The following CDC42BPA variants were observed in gnomAD, a reference collection of about 807,000 sequenced individuals.
CDC42BPA encodes the protein CDC42 binding protein kinase alpha.
In CDC42BPA, 80 loss-of-function variants were observed where a neutral mutation model predicts 223.5. The observed-to-expected ratio is 0.36, with a 90% confidence interval of 0.30 to 0.43. The LOEUF is 0.43. Ranked by LOEUF, CDC42BPA falls within the 20% of genes least tolerant of loss-of-function variation. CDC42BPA has a pLI of 1.00. For synonymous variants in CDC42BPA, 694 were observed against 718.6 expected (o/e 0.97, Z 0.55); for missense variants, 1,743 against 2,099.9 (o/e 0.83, Z 3.32).
intron 16 of CDC42BPA, 62 bp from the exon 17 acceptor site, chr1:227,081,079 G>A (rs1342874957): frequency 2.1e-5 from 33 of 1,555,430 alleles, no homozygotes; most frequent in Non-Finnish European, 2.8e-5. Context: ...TGTTCAGACA[G>A]GTATTGTCAA....
intron 2 of CDC42BPA, among the ~76,000 whole-genome samples, chr1:227,228,183 T>C (rs1271552777): frequency 1.3e-5 from 2 of 152,198 alleles, no homozygotes; most frequent in Non-Finnish European, 2.9e-5. Flanking sequence ...TGGAGCTTAA[T>C]CACCTAGGTG....
At chr1:227,304,968 AAAAT>A (rs1465936446) in intron 1 of CDC42BPA, among the ~76,000 whole-genome samples, 1 of 152,230 alleles carries the variant, frequency 6.6e-6, no homozygotes, top group Non-Finnish European at 1.5e-5. Flanking sequence ...ATGACAGTGG[AAAAT>A]AAATATAAAA....
chr1:227,095,609 G>C (rs1169352488), intron 15 of CDC42BPA, among the ~76,000 whole-genome samples: 2 of 71,674 alleles, frequency 2.8e-5, no homozygotes, highest in Non-Finnish European at 5.6e-5. Context: ...TTTTTTTTTT[G>C]AGACAAGAGT....
At chr1:227,074,541 G>A (rs1347709471) in intron 17 of CDC42BPA, among the ~76,000 whole-genome samples, 177 bp from the exon 18 acceptor site, 1 of 152,138 alleles carries the variant, frequency 6.6e-6, no homozygotes, top group Non-Finnish European at 1.5e-5. Context: ...AGAGGTTTAT[G>A]GAACTGTTCT....
intron 11 of CDC42BPA, among the ~76,000 whole-genome samples, chr1:227,126,002 CTT>C (rs1409103751): frequency 6.6e-6 from 1 of 152,032 alleles, no homozygotes; most frequent in East Asian, 1.9e-4. Flanking sequence ...TTTAGTCACT[CTT>C]GATGCAGTTT....
intron 1 of CDC42BPA, among the ~76,000 whole-genome samples, chr1:227,293,242 C>A (rs1690007423): frequency 6.6e-6 from 1 of 152,004 alleles, no homozygotes; most frequent in Non-Finnish European, 1.5e-5. Flanking sequence ...CAATAATAAT[C>A]AAATAATTGC....
intron 11 of CDC42BPA, among the ~76,000 whole-genome samples, chr1:227,124,276 C>A (rs1689153279): frequency 6.6e-6 from 1 of 151,968 alleles, no homozygotes; most frequent in Non-Finnish European, 1.5e-5. Context: ...TATTGGAGAA[C>A]ACTGCTGCTG....
chr1:227,159,463 G>A (rs1301724804), intron 6 of CDC42BPA, among the ~76,000 whole-genome samples: 3 of 151,976 alleles, frequency 2.0e-5, no homozygotes, highest in Admixed American at 2.0e-4. Flanking sequence ...TCCAGCCTAG[G>A]CAACAGAGAC....
At chr1:227,223,017 G>C (rs1676214724) in intron 2 of CDC42BPA, among the ~76,000 whole-genome samples, 1 of 152,128 alleles carries the variant, frequency 6.6e-6, no homozygotes, top group Non-Finnish European at 1.5e-5. Flanking sequence ...AGTACTACAG[G>C]GAAAGGAGAG....
At chr1:227,059,533 T>C (rs1319054968) in intron 21 of CDC42BPA, 6 of 866,818 alleles carry the variant, frequency 6.9e-6, no homozygotes, top group African/African-American at 3.4e-5. Context: ...CAGTTTTGGA[T>C]AGGTTGAATG....
chr1:227,240,258 T>C (rs1466537119), intron 2 of CDC42BPA, among the ~76,000 whole-genome samples: 4 of 152,006 alleles, frequency 2.6e-5, no homozygotes, highest in African/African-American at 4.8e-5. Context: ...TAAAACATCC[T>C]TGAGAAAATT....
chr1:227,055,738 T>C (rs559069028), intron 21 of CDC42BPA, among the ~76,000 whole-genome samples: 1 of 152,278 alleles, frequency 6.6e-6, no homozygotes, highest in African/African-American at 2.4e-5. Flanking sequence ...AGCAGAGATA[T>C]TATAAATTCA....
chr1:227,223,843 G>A (rs994720459), intron 2 of CDC42BPA, among the ~76,000 whole-genome samples: 1 of 152,178 alleles, frequency 6.6e-6, no homozygotes, highest in Non-Finnish European at 1.5e-5. Context: ...GTTGCAGCGA[G>A]CCACAGCTCT....
chr1:227,105,998 T>G (rs1436434931), intron 14 of CDC42BPA, among the ~76,000 whole-genome samples: 1 of 152,188 alleles, frequency 6.6e-6, no homozygotes, highest in African/African-American at 2.4e-5. Flanking sequence ...TCTGTTTGAC[T>G]TTTTGAGGAA....
chr1:227,279,280 A>T (rs187523270), intron 1 of CDC42BPA, among the ~76,000 whole-genome samples: 1 of 152,264 alleles, frequency 6.6e-6, no homozygotes, highest in African/African-American at 2.4e-5. Flanking sequence ...TCAAACTACT[A>T]TCTTTAAATA....
chr1:227,235,438 G>A (rs570904919), intron 2 of CDC42BPA: 3 of 152,276 alleles, frequency 2.0e-5, no homozygotes, highest in South Asian at 4.1e-4. Context: ...AATATGGCAA[G>A]TTGAATATAG....
intron 12 of CDC42BPA, among the ~76,000 whole-genome samples, chr1:227,116,479 G>A (rs498020): frequency 0.63 from 96,144 of 152,014 alleles, 30,553 homozygotes; most frequent in East Asian, 0.72. Flanking sequence ...ATCAGAGGCA[G>A]TTTCTTTAAA....
intron 1 of CDC42BPA, among the ~76,000 whole-genome samples, chr1:227,278,083 A>G (rs1380195708): frequency 1.3e-5 from 2 of 152,118 alleles, no homozygotes; most frequent in East Asian, 3.9e-4. Context: ...TTCTAAGCCA[A>G]TATTGCCAGA....
chr1:227,016,072 C>A lies in CDC42BPA; in HGVS notation c.4857+8G>T, dbSNP rs1038636583. 22 of 1,464,248 alleles carry A rather than the reference C, an allele frequency of 1.5e-5. No individual in the cohort carries two copies. Among genetic ancestry groups the A allele is most frequent in the Non-Finnish European group, 2.1e-5 (22 of 1,045,062 alleles). The allele number at this position is 1,464,248 out of a possible 1,614,324, so 90.7% of individuals were successfully genotyped here. On this transcript the variant is annotated splice_region_variant and intron_variant, in intron 34 of 36. Coordinates refer to ENST00000366766, the MANE Select transcript of CDC42BPA (RefSeq NM_001394014.1). Reference sequence around the variant, plus strand: ...CCCTTTTTTACACTCACTCTTAATTCCTCTTACCATGGGCAGATCTTTCAG... The same window carrying A: ...CCCTTTTTTACACTCACTCTTAATTACTCTTACCATGGGCAGATCTTTCAG...
Sources: gnomAD v4.1 joint callset for allele counts (sites outside exome capture counted in the v4.1 genomes callset) on GRCh38, gnomAD v4.1.1 for gene constraint, MANE v1.5 for transcripts, NCBI Gene and HGNC (gene_info 2026-07-23, HGNC 2026-07-21) for gene names.